RSU1: variants seen among roughly 807,000 people sequenced by gnomAD.
The protein encoded by RSU1 is Ras suppressor protein 1.
Under a neutral mutation model 31.1 loss-of-function variants are expected in RSU1, and 26 were observed. The observed-to-expected ratio is 0.84, with a 90% CI of 0.61 to 1.16. The LOEUF (loss-of-function observed/expected upper bound fraction) is 1.16. RSU1 is among the 50% of genes most tolerant of loss of function. The pLI is 0.00. For missense variants in RSU1, 320 were observed against 339.1 expected, an observed-to-expected ratio of 0.94 and a Z score of 0.44; for synonymous variants, 164 against 136.3, an observed-to-expected ratio of 1.20 and a Z score of -1.41.
At chr10:16,664,250 G>A (rs964790481) in intron 8 of RSU1, among the ~76,000 whole-genome samples, 1 of 152,156 alleles carries the variant, frequency 6.6e-6, no homozygotes, top group Non-Finnish European at 1.5e-5. Context: ...TCCATTTTCT[G>A]TACCCATACC....
At chr10:16,695,245 C>T in intron 7 of RSU1, 90 bp from the exon 8 acceptor site, 1 of 1,289,668 alleles carries the variant, frequency 7.8e-7, no homozygotes, top group Non-Finnish European at 1.1e-6. Flanking sequence ...GCCTAAGTAC[C>T]CTAAATCAAA....
chr10:16,805,656 G>A (rs12263251), intron 2 of RSU1, among the ~76,000 whole-genome samples: 5,242 of 133,788 alleles, frequency 0.039, 102 homozygotes, highest in African/African-American at 0.056. Context: ...GACAGAGCGA[G>A]ACTCCGTCTC....
At chr10:16,656,994 A>G (rs1462606045) in intron 8 of RSU1, among the ~76,000 whole-genome samples, 2 of 152,224 alleles carry the variant, frequency 1.3e-5, no homozygotes, top group Non-Finnish European at 2.9e-5. Flanking sequence ...AATCTTGGAA[A>G]TATGCAAATA....
At chr10:16,663,466 T>C (rs1162088535) in intron 8 of RSU1, among the ~76,000 whole-genome samples, 1 of 152,210 alleles carries the variant, frequency 6.6e-6, no homozygotes, top group Admixed American at 6.5e-5. Context: ...GAAAATTTCC[T>C]CCTAATGCTC....
chr10:16,599,840 T>C (rs1833685707), intron 8 of RSU1, among the ~76,000 whole-genome samples: 1 of 150,464 alleles, frequency 6.6e-6, no homozygotes, highest in African/African-American at 2.5e-5. Context: ...GGTGTAGATC[T>C]TTCTGGGAAA....
Position 16,762,412 on chromosome 10 carries a change from T to C in RSU1, c.281+1978A>G, listed in dbSNP as rs866800429. On this transcript the variant is annotated intron_variant, in intron 4 of 8. Transcript: ENST00000345264. Reference sequence around the variant, plus strand: ...TTTTAGCTTCTTTCTCACATACAAATTAAAGATCAGGATAGAATAGCCTGT... The same window carrying C: ...TTTTAGCTTCTTTCTCACATACAAACTAAAGATCAGGATAGAATAGCCTGT... Among the ~76,000 whole-genome samples the C allele has an allele frequency of 5.3e-5, 8 of 151,826 alleles. No homozygotes were observed. In the South Asian group the frequency reaches 1.7e-3, roughly 32 times the overall value.
At chr10:16,810,932 G>C (rs944267442) in intron 2 of RSU1, among the ~76,000 whole-genome samples, 1 of 152,070 alleles carries the variant, frequency 6.6e-6, no homozygotes, top group African/African-American at 2.4e-5. Flanking sequence ...TGAGGTGGGA[G>C]GATCACTTGA....
At position 16,733,310 on chromosome 10, in the gene RSU1, G is replaced by A. The variant is rs1482909638; in HGVS notation, c.598+19229C>T. ...GTTCAATACCAGTCTGGCCAACATG[G>A]TGAAACCCCATCTCTACGACAATAA... On this transcript the variant is annotated intron_variant, in intron 7 of 8. Transcript: ENST00000345264. Among the ~76,000 whole-genome samples, 3 of 143,350 alleles carry A rather than the reference G, an allele frequency of 2.1e-5. No individual in the cohort carries two copies. The East Asian group carries it at 6.2e-4, about 30-fold the overall frequency. The allele number at this position is 143,350 out of a possible 152,430, so 94.0% of individuals were successfully genotyped here.
chr10:16,763,084 C>A (rs1199746281), intron 4 of RSU1, among the ~76,000 whole-genome samples: 1 of 152,002 alleles, frequency 6.6e-6, no homozygotes, highest in Non-Finnish European at 1.5e-5. Context: ...TTAACTAGAG[C>A]ATTTAGTGGC....
Position 16,768,602 on chromosome 10 carries a change from G to A in RSU1, c.161-4092C>T, listed in dbSNP as rs376816497. Among the ~76,000 whole-genome samples the A allele has an allele frequency of 1.3e-4, 20 of 152,276 alleles. No homozygotes were observed. The East Asian group carries it at 3.9e-3, about 29-fold the overall frequency. ...CCAGAGCCTCTGCTGTTTTGGAAAG[G>A]TGACAAGGATGTGGTCACATCACCC... On this transcript the variant is annotated intron_variant, in intron 3 of 8. Coordinates refer to ENST00000345264, the MANE Select transcript of RSU1 (RefSeq NM_012425.4).
chr10:16,711,863 G>A (rs1232254555), intron 7 of RSU1, among the ~76,000 whole-genome samples: 3 of 152,174 alleles, frequency 2.0e-5, no homozygotes, highest in Admixed American at 2.0e-4. Flanking sequence ...TTCTGCAGCT[G>A]TTAAAATGTT....
chr10:16,611,576 A>AAGAC, intron 8 of RSU1, among the ~76,000 whole-genome samples: 1 of 152,192 alleles, frequency 6.6e-6, no homozygotes, highest in Non-Finnish European at 1.5e-5. Context: ...TCCCTGCAAC[A>AAGAC]AGACAGCCCC....
rs188821527 is a variant in RSU1 at position 16,604,318 on chromosome 10, G to C, written c.732-10822C>G. Among the ~76,000 whole-genome samples, 29 of 152,260 alleles carry C rather than the reference G, an allele frequency of 1.9e-4. No individual in the cohort carries two copies. In the East Asian group the frequency reaches 5.0e-3, roughly 26 times the overall value. On this transcript the variant is annotated intron_variant, in intron 8 of 8. Coordinates refer to ENST00000345264, the MANE Select transcript of RSU1 (RefSeq NM_012425.4). ...GCGCCTCGACTATAAGCAGACCAGGGATATCAGCAAAGCTGGAGAGAGAAC... is the reference window on the plus strand; with the variant it reads ...GCGCCTCGACTATAAGCAGACCAGGCATATCAGCAAAGCTGGAGAGAGAAC...
At chr10:16,623,777 T>G (rs1329190044) in intron 8 of RSU1, among the ~76,000 whole-genome samples, 4 of 152,232 alleles carry the variant, frequency 2.6e-5, no homozygotes, top group Non-Finnish European at 5.9e-5. Flanking sequence ...TGATTAGTGC[T>G]GTCGAGTATT....
intron 7 of RSU1, among the ~76,000 whole-genome samples, chr10:16,724,734 C>T (rs1012594506): frequency 6.6e-6 from 1 of 152,198 alleles, no homozygotes; most frequent in Non-Finnish European, 1.5e-5. Context: ...CACTGCCAGT[C>T]CCAAAGTGGG....
chr10:16,628,624 A>G (rs1403384515), intron 8 of RSU1, among the ~76,000 whole-genome samples: 1 of 152,248 alleles, frequency 6.6e-6, no homozygotes, highest in Non-Finnish European at 1.5e-5. Flanking sequence ...TTTTTTCTCA[A>G]CAAGAGACAC....
intron 7 of RSU1, 148 bp downstream of exon 7, chr10:16,752,391 A>G (rs749381498): frequency 1.6e-6 from 1 of 617,292 alleles, no homozygotes; most frequent in Non-Finnish European, 2.9e-6. Flanking sequence ...AACTCTGGTC[A>G]ATGACAAATG....
At chr10:16,769,469 A>T (rs1331579653) in intron 3 of RSU1, among the ~76,000 whole-genome samples, 1 of 152,236 alleles carries the variant, frequency 6.6e-6, no homozygotes, top group East Asian at 1.9e-4. Context: ...GACCGTTTCC[A>T]TCACCGCAAA....
intron 8 of RSU1, among the ~76,000 whole-genome samples, chr10:16,673,303 T>G (rs952379698): frequency 6.6e-6 from 1 of 152,202 alleles, no homozygotes; most frequent in Non-Finnish European, 1.5e-5. Context: ...GCAGCCACAC[T>G]TATTCTCAAA....
Sources: gnomAD v4.1 joint callset for allele counts (sites outside exome capture counted in the v4.1 genomes callset) on GRCh38, gnomAD v4.1.1 for gene constraint, MANE v1.5 for transcripts, NCBI Gene and HGNC (gene_info 2026-07-23, HGNC 2026-07-21) for gene names.